TLN1: variants seen among roughly 807,000 people sequenced by gnomAD.
TLN1 encodes the protein talin 1.
A neutral mutation model predicts 292.3 loss-of-function variants in TLN1; 56 were observed. The observed-to-expected ratio is 0.19, with a 90% CI of 0.15 to 0.24. The LOEUF (loss-of-function observed/expected upper bound fraction) is 0.24, where lower values mean the gene tolerates loss of function less well. Among genes scored for constraint, TLN1 ranks in the 10% least tolerant of loss-of-function variants. The pLI is 1.00. For missense variants in TLN1, 2,433 were observed against 3,248.2 expected (o/e 0.75, Z 6.10); for synonymous variants, 1,119 against 1,253.7 (o/e 0.89, Z 2.27).
intron 33 of TLN1, among the ~76,000 whole-genome samples, 177 bp downstream of exon 33, chr9:35,710,384 G>A (rs1274859378): frequency 6.6e-6 from 1 of 152,192 alleles, no homozygotes; most frequent in Non-Finnish European, 1.5e-5. Flanking sequence ...AATCAGAACT[G>A]CTGGTGTTCA....
chr9:35,727,507 C>T (rs981347356), intron 1 of TLN1, among the ~76,000 whole-genome samples: 1 of 152,172 alleles, frequency 6.6e-6, no homozygotes, highest in Non-Finnish European at 1.5e-5. Flanking sequence ...AGAACCACAG[C>T]TCTCTGTCTT....
Position 35,714,751 on chromosome 9 carries a change from G to A in TLN1, c.2871+9C>T. 6.2e-7 allele frequency: 1 copy of A among 1,605,726 alleles called. No individual in the cohort carries two copies. Reference sequence around the variant, plus strand: ...CTCTTCCACTCCCACATCCTTCCTAGAGTCTTACCTTGCAGCTCTGCACCA... The same window carrying A: ...CTCTTCCACTCCCACATCCTTCCTAAAGTCTTACCTTGCAGCTCTGCACCA... On this transcript the variant is annotated intron_variant, in intron 22 of 56. Transcript: ENST00000314888. This position sits in a 1 kb window ranked among gnomAD's most constrained non-coding sequence, Gnocchi z 4.6.
At position 35,699,546 on chromosome 9, in the gene TLN1, T is replaced by C; in HGVS notation, c.6769-85A>G. 1 of 1,498,582 alleles carries C rather than the reference T, an allele frequency of 6.7e-7. No individual in the cohort carries two copies. The allele number at this position is 1,498,582 out of a possible 1,614,324, so 92.8% of individuals were successfully genotyped here. On this transcript the variant is annotated intron_variant, in intron 50 of 56. Transcript: ENST00000314888. The surrounding 1 kb of genome is among the most constrained non-coding windows in gnomAD (Gnocchi z 4.0). The stretch of plus-strand genomic sequence containing the variant: ...TGAAATAGGGCAGACCATGGCCCCC[T>C]CACCCCTATCCCTAGAGCACTCCAC...
intron 48 of TLN1, 100 bp from the exon 49 acceptor site, chr9:35,700,476 C>G: frequency 4.9e-6 from 6 of 1,222,880 alleles, no homozygotes; most frequent in Non-Finnish European, 5.6e-6. Context: ...ATTCACACAT[C>G]ACAGTGAATG....
In TLN1 at chr9:35,706,187, C is replaced by T. The variant is rs774555501; in HGVS notation, c.5361+9G>A. ...CTAGTAACAGCTCCTCCCTCCCAAC[C>T]CTCAATACCTTTGGGTTACCACCAG... On this transcript the variant is annotated intron_variant, in intron 40 of 56. Coordinates refer to ENST00000314888, the MANE Select transcript of TLN1 (RefSeq NM_006289.4). This position sits in a 1 kb window ranked among gnomAD's most constrained non-coding sequence, Gnocchi z 4.2. 4 of 1,608,938 alleles carry T rather than the reference C, an allele frequency of 2.5e-6. No individual in the cohort carries two copies. In the African/African-American group the frequency reaches 5.3e-5, roughly 21 times the overall value.
At chr9:35,712,173 G>A (rs1397960064) in intron 27 of TLN1, 49 bp from the exon 28 acceptor site, 3 of 1,582,918 alleles carry the variant, frequency 1.9e-6, no homozygotes, top group Non-Finnish European at 2.6e-6. Flanking sequence ...GAATTTGAGA[G>A]ATCGCCTCCA....
At position 35,732,056 on chromosome 9, in the gene TLN1, C is replaced by G. The variant is rs916400496; in HGVS notation, c.-34+19G>C. ...CGCGGCCCCACCCTAAGGCCCCCGC[C>G]CGGCCCGGTCTGGCCTACCTGCGCT... is the stretch of plus-strand genomic sequence containing the variant. On this transcript the variant is annotated intron_variant, in intron 1 of 56. Transcript: ENST00000314888. This position sits in a 1 kb window ranked among gnomAD's most constrained non-coding sequence, Gnocchi z 5.1. 1 of 152,858 alleles carries G rather than the reference C, an allele frequency of 6.5e-6. No homozygotes were observed. The highest frequency in any genetic ancestry group is 2.4e-5 in the African/African-American group (1 of 41,396). 9.5% of individuals were successfully genotyped at this position (152,858 alleles called of 1,614,324 possible).
intron 17 of TLN1, among the ~76,000 whole-genome samples, chr9:35,718,281 A>C (rs1314855453): frequency 6.6e-6 from 1 of 152,228 alleles, no homozygotes; most frequent in African/African-American, 2.4e-5. Context: ...CAGGAGGCTG[A>C]GGAAGAAGTA....
At position 35,706,382 on chromosome 9, in the gene TLN1, G is replaced by T. The variant is rs769181516; in HGVS notation, c.5191-16C>A. On this transcript the variant is annotated splice_polypyrimidine_tract_variant and intron_variant, in intron 39 of 56. Transcript: ENST00000314888. The surrounding 1 kb of genome is among the most constrained non-coding windows in gnomAD (Gnocchi z 4.2). The stretch of plus-strand genomic sequence containing the variant: ...TCTGGGACACCTGAGGCAAGGGGTT[G>T]GACTAGGGGTCAGGTCCCCTCTCTC... 22 of 1,610,822 alleles carry T rather than the reference G, an allele frequency of 1.4e-5. No individual in the cohort carries two copies. The Admixed American group carries it at 3.5e-4, about 26-fold the overall frequency.
intron 27 of TLN1, among the ~76,000 whole-genome samples, chr9:35,712,453 G>A (rs552817944): frequency 6.6e-6 from 1 of 152,232 alleles, no homozygotes; most frequent in South Asian, 2.1e-4. Flanking sequence ...AGACCATCCT[G>A]GCCAACATGG....
At position 35,724,171 on chromosome 9, in the gene TLN1, C is replaced by T. The variant is rs760106841; in HGVS notation, c.654+21G>A. The T allele has an allele frequency of 1.2e-6, 2 of 1,614,090 alleles. No homozygotes were observed. The highest frequency in any genetic ancestry group is 2.2e-5 in the South Asian group (2 of 91,086). On this transcript the variant is annotated intron_variant, in intron 6 of 56. Transcript: ENST00000314888. The surrounding 1 kb of genome is among the most constrained non-coding windows in gnomAD (Gnocchi z 4.7). ...GAGCCCTCCCTATTCCTGCCCCACC[C>T]CAGCCAAGTCCTCTGCATACCTGCA... is the stretch of plus-strand genomic sequence containing the variant.
chr9:35,722,892 A>G lies in TLN1; in HGVS notation c.812T>C (p.Val271Ala). ...DLKDFLPKEY[V>A]KQKGERKIFQ... ...GATCTTACGCTCTCCCTTCTGCTTC[A>G]CATACTCCTTGGGCAGGAAGTCCTT... Residue 271 changes from valine (V) to alanine (A), a missense_variant, in exon 8 of 57, where the codon GTG (valine) becomes GCG (alanine). Val to Ala is a moderately conservative substitution (Grantham distance 64, BLOSUM62 0). This residue lies in a region of TLN1 where 78 missense variants were observed against 88.8 expected (regional missense o/e 0.88). Coordinates refer to ENST00000314888, the MANE Select transcript of TLN1 (RefSeq NM_006289.4). The G allele has an allele frequency of 6.2e-7, 1 of 1,614,050 alleles. No individual in the cohort carries two copies. The highest frequency in any genetic ancestry group is 8.5e-7 in the Non-Finnish European group (1 of 1,179,938).
chr9:35,702,069 A>G (rs1001569830), intron 48 of TLN1, among the ~76,000 whole-genome samples: 4 of 152,182 alleles, frequency 2.6e-5, no homozygotes, highest in African/African-American at 7.2e-5. Flanking sequence ...AAATTGCGGG[A>G]GAGTATGGAA....
chr9:35,721,630 T>G lies in TLN1; in HGVS notation c.1104+18A>C. 3.7e-6 allele frequency: 6 copies of G among 1,603,806 alleles called. No individual in the cohort carries two copies. The highest frequency in any genetic ancestry group is 5.1e-6 in the Non-Finnish European group (6 of 1,171,294). ...TGAAACTCCCAAAGCACTTTCTTGT[T>G]ATAGTCCCCAGACTTACCAGGGTGA... On this transcript the variant is annotated intron_variant, in intron 10 of 56. Transcript: ENST00000314888.
chr9:35,701,753 A>G (rs1382930139), intron 48 of TLN1, among the ~76,000 whole-genome samples: 1 of 152,128 alleles, frequency 6.6e-6, no homozygotes, highest in African/African-American at 2.4e-5. Flanking sequence ...CTGTATTTGG[A>G]AGGGGCACTA....
At chr9:35,729,026 T>A (rs963584568) in intron 1 of TLN1, among the ~76,000 whole-genome samples, 6 of 150,572 alleles carry the variant, frequency 4.0e-5, no homozygotes, top group African/African-American at 9.8e-5. Flanking sequence ...GCTAGAATTT[T>A]AAAAAATAGA....
chr9:35,722,396 A>C (rs1459531743), intron 8 of TLN1, among the ~76,000 whole-genome samples, 173 bp from the exon 9 acceptor site: 2 of 152,248 alleles, frequency 1.3e-5, no homozygotes, highest in South Asian at 4.1e-4. Context: ...GCTATGCAGA[A>C]GCGATGAGTC....
intron 17 of TLN1, among the ~76,000 whole-genome samples, chr9:35,718,026 C>T (rs919686184): frequency 2.0e-5 from 3 of 152,114 alleles, no homozygotes; most frequent in African/African-American, 4.8e-5. Flanking sequence ...ACACATGAGG[C>T]GGATACACTC....
Position 35,717,240 on chromosome 9 carries a change from A to T in TLN1, c.2364T>A (p.His788Gln), listed in dbSNP as rs1476373198. The part of the protein sequence containing the change: ...LNELLQHVKA[H>Q]ATGAGPAGRY... Reference sequence around the variant, plus strand: ...GGCCAGCAGGCCCAGCCCCTGTGGCATGGGCTTTCACATGCTGCAGCAGCT... The same window carrying T: ...GGCCAGCAGGCCCAGCCCCTGTGGCTTGGGCTTTCACATGCTGCAGCAGCT... The change falls in exon 19 of 57, where the codon CAT becomes CAA. Residue 788 changes from histidine to glutamine, a missense_variant. His to Gln is a conservative substitution (Grantham distance 24). Around this residue, in one of 7 missense-constraint regions of TLN1, gnomAD observed 617 missense variants for 770.6 expected, o/e 0.80. Transcript: ENST00000314888. The surrounding 1 kb of genome is among the most constrained non-coding windows in gnomAD (Gnocchi z 4.7). The T allele has an allele frequency of 6.2e-7, 1 of 1,614,220 alleles. No individual in the cohort carries two copies. The highest frequency in any genetic ancestry group is 1.1e-5 in the South Asian group (1 of 91,090).
Sources: gnomAD v4.1 joint callset for allele counts (sites outside exome capture counted in the v4.1 genomes callset) on GRCh38, gnomAD v4.1.1 for gene constraint, gnomAD v4.1.1 regional missense constraint, Gnocchi (gnomAD v3.1) non-coding constraint, MANE v1.5 for transcripts, NCBI Gene and HGNC (gene_info 2026-07-23, HGNC 2026-07-21) for gene names.